Variants in DSTYK observed in about 807,000 individuals in gnomAD.
DSTYK encodes RIP-homologous kinase.
In DSTYK, 34 loss-of-function variants were observed where a neutral mutation model predicts 98.7. The observed-to-expected ratio is 0.34, with a 90% CI of 0.26 to 0.46. The LOEUF is 0.46. Among genes scored for constraint, DSTYK ranks in the 20% least tolerant of loss-of-function variants. The pLI is 1.00. For synonymous variants in DSTYK, 462 were observed against 457.3 expected (o/e 1.01, Z -0.13); for missense variants, 962 against 1,181.7 (o/e 0.81, Z 2.73).
intron 1 of DSTYK, 73 bp from the exon 2 acceptor site, chr1:205,187,879 G>C: frequency 8.3e-6 from 11 of 1,330,826 alleles, no homozygotes; most frequent in Non-Finnish European, 1.1e-5. Context: ...GAGAGAGAGA[G>C]ACTCACGCAG....
chr1:205,195,275 T>C (rs1361662297), intron 1 of DSTYK, among the ~76,000 whole-genome samples: 1 of 152,220 alleles, frequency 6.6e-6, no homozygotes, highest in African/African-American at 2.4e-5. Flanking sequence ...TAGGTAGTGA[T>C]GTTTTATTTC....
chr1:205,198,665 T>C (rs766707811), intron 1 of DSTYK, among the ~76,000 whole-genome samples: 29 of 152,264 alleles, frequency 1.9e-4, no homozygotes, highest in Non-Finnish European at 3.4e-4. Context: ...TCTTGTAACC[T>C]AGCTGCATTT....
At position 205,143,823 on chromosome 1, in the gene DSTYK, C is replaced by T. The variant is rs1468359800; in HGVS notation, c.*3735G>A. 1.3e-5 allele frequency: 2 copies of T among 152,626 alleles called. No individual in the cohort carries two copies. The highest frequency in any genetic ancestry group is 2.1e-4 in the South Asian group (1 of 4,822). 9.5% of individuals were successfully genotyped at this position (152,626 alleles called of 1,614,324 possible). ...TACTAGTCGAGAGTTCTATGAGTCC[C>T]CTATTTCTATCTGTGGTAGTAATGC... On this transcript the variant is annotated 3_prime_UTR_variant, in exon 13 of 13. Coordinates refer to ENST00000367162, the MANE Select transcript of DSTYK (RefSeq NM_015375.3).
At chr1:205,170,109 C>A (rs1165815271) in intron 2 of DSTYK, among the ~76,000 whole-genome samples, 1 of 152,160 alleles carries the variant, frequency 6.6e-6, no homozygotes, top group African/African-American at 2.4e-5. Context: ...TCTCTGCCTT[C>A]CTTTATTGCT....
intron 3 of DSTYK, among the ~76,000 whole-genome samples, chr1:205,165,489 G>A (rs528282665): frequency 1.3e-5 from 2 of 152,244 alleles, no homozygotes; most frequent in South Asian, 4.1e-4. Flanking sequence ...ATCTATTAAT[G>A]TTGTAAATCA....
intron 1 of DSTYK, among the ~76,000 whole-genome samples, chr1:205,193,844 C>G (rs1658782529): frequency 6.7e-6 from 1 of 149,744 alleles, no homozygotes; most frequent in Non-Finnish European, 1.5e-5. Context: ...GCACTCCAGC[C>G]TGGGCAACAG....
At chr1:205,205,109 T>C (rs79476908) in intron 1 of DSTYK, among the ~76,000 whole-genome samples, 1,818 of 152,328 alleles carry the variant, frequency 0.012, 25 homozygotes, top group Middle Eastern at 0.02. Context: ...TTAGAATAGA[T>C]TATCTTTTAT....
In DSTYK at chr1:205,207,672, C is replaced by T. The variant is rs376799158; in HGVS notation, c.265+3599G>A. 2.6e-4 allele frequency among the ~76,000 whole-genome samples: 33 copies of T among 126,128 alleles called. No homozygotes were observed. In the South Asian group the frequency reaches 5.9e-3, roughly 22 times the overall value. The allele number at this position is 126,128 out of a possible 152,430, so 82.7% of individuals were successfully genotyped here. ...TCAGGACGCTGAAGCAGGAGAATCA[C>T]GTGAACATGGGAGGTGAAGGTTGCA... On this transcript the variant is annotated intron_variant, in intron 1 of 12. Transcript: ENST00000367162.
chr1:205,164,206 A>G (rs972550367), intron 3 of DSTYK, among the ~76,000 whole-genome samples: 1 of 152,066 alleles, frequency 6.6e-6, no homozygotes, highest in Admixed American at 6.5e-5. Flanking sequence ...TAATTCCAAA[A>G]CTTTGGGAGG....
At chr1:205,163,157 A>G (rs1657782728) in intron 4 of DSTYK, 151 bp from the exon 5 acceptor site, 2 of 659,468 alleles carry the variant, frequency 3.0e-6, no homozygotes, top group East Asian at 2.7e-5. Flanking sequence ...TAAGCTGATT[A>G]TTTATTTTGT....
Position 205,211,491 on chromosome 1 carries a change from A to T in DSTYK, c.45T>A (p.Gly15=). The T allele has an allele frequency of 6.3e-7, 1 of 1,580,464 alleles. No homozygotes were observed. Among genetic ancestry groups the T allele is most frequent in the South Asian group, 1.1e-5 (1 of 87,954 alleles). ...TCATTCCGCCGCCGCCGGGGCCGGGACCCGAGACGGGCTCGCTGCCCCATG... is the reference window on the plus strand; with the variant it reads ...TCATTCCGCCGCCGCCGGGGCCGGGTCCCGAGACGGGCTCGCTGCCCCATG... ...GVPWGSEPVS[G]PGPGGGGMIR... Residue 15 remains glycine, a synonymous_variant, in exon 1 of 13, where the codon GGT becomes GGA. Transcript: ENST00000367162.
chr1:205,200,243 G>A (rs1028247477), intron 1 of DSTYK, among the ~76,000 whole-genome samples: 7 of 151,990 alleles, frequency 4.6e-5, no homozygotes, highest in South Asian at 4.2e-4. Flanking sequence ...TCACCATGTT[G>A]GCCAGGCTAG....
chr1:205,187,806 C>A lies in DSTYK; in HGVS notation c.266G>T (p.Gly89Val). 2 of 1,606,612 alleles carry A rather than the reference C, an allele frequency of 1.2e-6. No homozygotes were observed. The highest frequency in any genetic ancestry group is 1.1e-5 in the South Asian group (1 of 90,090). The stretch of plus-strand genomic sequence containing the variant: ...TGGGAAGGAAATGCAGCTCAGTTGG[C>A]CTGGTTGGGGAAGGGGAGAGTGGAG... ...GDVAETGLQAGQLSCISFPPK... is the reference protein window; with the variant it reads ...GDVAETGLQAVQLSCISFPPK... The change falls in exon 2 of 13, where the codon GGC becomes GTC. Residue 89 changes from glycine to valine, a missense_variant and splice_region_variant. Around this residue, in one of 4 missense-constraint regions of DSTYK, gnomAD observed 660 missense variants for 855.0 expected, o/e 0.77. Coordinates refer to ENST00000367162, the MANE Select transcript of DSTYK (RefSeq NM_015375.3).
chr1:205,154,433 C>A (rs562615964), intron 10 of DSTYK, among the ~76,000 whole-genome samples: 4 of 152,136 alleles, frequency 2.6e-5, no homozygotes, highest in Non-Finnish European at 5.9e-5. Flanking sequence ...ATCGGCACTT[C>A]TCCTTGCTGC....
chr1:205,190,717 G>T (rs1658688492), intron 1 of DSTYK, among the ~76,000 whole-genome samples: 1 of 150,814 alleles, frequency 6.6e-6, no homozygotes, highest in South Asian at 2.1e-4. Context: ...AGTCCAGCTA[G>T]ACTGTCTTCA....
In DSTYK at chr1:205,151,603, T is replaced by G. The variant is rs1657406601; in HGVS notation, c.2353-809A>C. On this transcript the variant is annotated intron_variant, in intron 10 of 12. Coordinates refer to ENST00000367162, the MANE Select transcript of DSTYK (RefSeq NM_015375.3). ...ACCTCGGCTTCCTGACAGCTAAGACTATAGTTGTATGCCACCATGCCTGGC... is the reference window on the plus strand; with the variant it reads ...ACCTCGGCTTCCTGACAGCTAAGACGATAGTTGTATGCCACCATGCCTGGC... Among the ~76,000 whole-genome samples, 3 of 151,804 alleles carry G rather than the reference T, an allele frequency of 2.0e-5. No homozygotes were observed. The South Asian group carries it at 6.2e-4, about 32-fold the overall frequency.
chr1:205,194,539 T>C (rs931094579), intron 1 of DSTYK, among the ~76,000 whole-genome samples: 1 of 123,044 alleles, frequency 8.1e-6, no homozygotes, highest in Non-Finnish European at 1.6e-5. Flanking sequence ...GTTTTAAAAA[T>C]CTCACTTTTT....
At chr1:205,158,497 C>T (rs1328054875) in intron 9 of DSTYK, among the ~76,000 whole-genome samples, 1 of 152,138 alleles carries the variant, frequency 6.6e-6, no homozygotes, top group Non-Finnish European at 1.5e-5. Context: ...TTCACCTTCA[C>T]TCAAATAAAA....
At chr1:205,152,008 G>C (rs1657419226) in intron 10 of DSTYK, among the ~76,000 whole-genome samples, 1 of 152,126 alleles carries the variant, frequency 6.6e-6, no homozygotes, top group Admixed American at 6.6e-5. Flanking sequence ...ATATAAACCA[G>C]TAACAGAGCT....
Sources: gnomAD v4.1 joint callset for allele counts (sites outside exome capture counted in the v4.1 genomes callset) on GRCh38, gnomAD v4.1.1 for gene constraint, gnomAD v4.1.1 regional missense constraint, MANE v1.5 for transcripts, NCBI Gene and HGNC (gene_info 2026-07-23, HGNC 2026-07-21) for gene names.